Variants in MIPOL1 observed in about 807,000 individuals in gnomAD.
MIPOL1 encodes mirror-image polydactyly 1, also known as mirror-image polydactyly gene 1 protein.
A neutral mutation model predicts 60.9 loss-of-function variants in MIPOL1; 57 were observed. The ratio of observed to expected loss-of-function variants is 0.94; its 90% CI spans 0.76 to 1.17. The LOEUF (loss-of-function observed/expected upper bound fraction) is 1.17. Ranked by LOEUF, MIPOL1 falls within the 50% of genes most tolerant of loss-of-function variation. The probability of loss-of-function intolerance (pLI) is 0.00; values close to 1 mark genes in which losing one functional copy is unlikely to be tolerated. For synonymous variants in MIPOL1, 179 were observed against 168.8 expected (o/e 1.06, Z -0.47); for missense variants, 551 against 511.6 (o/e 1.08, Z -0.74).
intron 10 of MIPOL1, among the ~76,000 whole-genome samples, chr14:37,412,291 G>A (rs1313691557): frequency 2.6e-5 from 4 of 151,724 alleles, no homozygotes; most frequent in Non-Finnish European, 4.4e-5. Context: ...TCATGTTTTG[G>A]GACTACTATA....
chr14:37,440,272 T>C (rs537807080), intron 11 of MIPOL1, among the ~76,000 whole-genome samples: 25 of 152,244 alleles, frequency 1.6e-4, no homozygotes, highest in Non-Finnish European at 3.2e-4. Context: ...AATTGACTTA[T>C]ATACATTTTT....
chr14:37,382,166 T>G (rs556866288), intron 10 of MIPOL1, among the ~76,000 whole-genome samples: 1 of 152,214 alleles, frequency 6.6e-6, no homozygotes, highest in East Asian at 1.9e-4. Context: ...CTATTTCCAG[T>G]AACTGAATTC....
chr14:37,480,966 T>C lies in MIPOL1; in HGVS notation c.1032-18942T>C, dbSNP rs138573920. ...CCAGCCTGGGCAAAATAGTGAGACT[T>C]CGTCTCTATTTAAAAATTTAAAAAA... On this transcript the variant is annotated intron_variant, in intron 11 of 12. Coordinates refer to ENST00000684589, the MANE Select transcript of MIPOL1 (RefSeq NM_001388067.1). Among the ~76,000 whole-genome samples, 366 of 152,116 alleles carry C rather than the reference T, an allele frequency of 2.4e-3. 1 individual carries two copies. The highest frequency in any genetic ancestry group is 8.4e-3 in the African/African-American group (348 of 41,502).
At chr14:37,279,366 T>C (rs939945741) in intron 6 of MIPOL1, among the ~76,000 whole-genome samples, 1 of 151,634 alleles carries the variant, frequency 6.6e-6, no homozygotes, top group Non-Finnish European at 1.5e-5. Flanking sequence ...GGGTGTTTAA[T>C]GAGCAAATTC....
chr14:37,411,287 A>AC (rs1360855094), intron 10 of MIPOL1, among the ~76,000 whole-genome samples: 1 of 152,124 alleles, frequency 6.6e-6, no homozygotes, highest in African/African-American at 2.4e-5. Context: ...GTGATGTTAC[A>AC]CAACACATGA....
chr14:37,363,376 T>C (rs1344512883), intron 9 of MIPOL1, among the ~76,000 whole-genome samples: 1 of 152,218 alleles, frequency 6.6e-6, no homozygotes, highest in Non-Finnish European at 1.5e-5. Flanking sequence ...GTCCCTCAGC[T>C]GCAGGTCCAT....
Position 37,492,583 on chromosome 14 carries a change from C to G in MIPOL1, c.1032-7325C>G, listed in dbSNP as rs2095061040. ...AGTTATTTTCACATATGTAGATCAC[C>G]TCATTTCATTCTCATATGATTTCCA... On this transcript the variant is annotated intron_variant, in intron 11 of 12. Transcript: ENST00000684589. Among the ~76,000 whole-genome samples the G allele has an allele frequency of 2.0e-5, 3 of 152,226 alleles. No homozygotes were observed. In the South Asian group the frequency reaches 6.2e-4, roughly 32 times the overall value.
intron 10 of MIPOL1, among the ~76,000 whole-genome samples, chr14:37,403,629 G>A (rs902324960): frequency 6.6e-6 from 1 of 151,704 alleles, no homozygotes. Context: ...GGCAACCTAT[G>A]TAGTATTGCT....
At chr14:37,533,216 A>G (rs950294808) in intron 12 of MIPOL1, among the ~76,000 whole-genome samples, 14 of 152,184 alleles carry the variant, frequency 9.2e-5, no homozygotes, top group South Asian at 2.1e-4. Flanking sequence ...TACAATGTCT[A>G]AGCCCAATAA....
chr14:37,396,810 A>C (rs2093380644), intron 10 of MIPOL1, among the ~76,000 whole-genome samples: 1 of 152,030 alleles, frequency 6.6e-6, no homozygotes, highest in Non-Finnish European at 1.5e-5. Flanking sequence ...AAGTGTGTCC[A>C]TTATTTCCTG....
At chr14:37,334,493 T>G (rs998732699) in intron 9 of MIPOL1, among the ~76,000 whole-genome samples, 1 of 151,992 alleles carries the variant, frequency 6.6e-6, no homozygotes, top group African/African-American at 2.4e-5. Flanking sequence ...ACTTAATTGT[T>G]TTTTACATTT....
At chr14:37,216,062 C>CAAAAAAAA (rs71449980) in intron 1 of MIPOL1, among the ~76,000 whole-genome samples, 2 of 85,828 alleles carry the variant, frequency 2.3e-5, no homozygotes, top group African/African-American at 4.3e-5. Context: ...ACCTCCATCT[C>CAAAAAAAA]AAAAAAAAAA....
At chr14:37,413,317 T>C (rs2093709360) in intron 10 of MIPOL1, among the ~76,000 whole-genome samples, 1 of 152,112 alleles carries the variant, frequency 6.6e-6, no homozygotes, top group Non-Finnish European at 1.5e-5. Flanking sequence ...GAAAAAGAAC[T>C]CCATAAAGAA....
chr14:37,416,201 A>G (rs1487085855), intron 10 of MIPOL1, among the ~76,000 whole-genome samples: 1 of 152,206 alleles, frequency 6.6e-6, no homozygotes, highest in Non-Finnish European at 1.5e-5. Flanking sequence ...CTTAAACTAT[A>G]CTTAACAAAA....
intron 4 of MIPOL1, among the ~76,000 whole-genome samples, chr14:37,267,746 T>C (rs1265420900): frequency 2.0e-5 from 3 of 152,202 alleles, no homozygotes; most frequent in African/African-American, 7.2e-5. Flanking sequence ...GTGACCTTTC[T>C]TTATGTATTT....
intron 9 of MIPOL1, among the ~76,000 whole-genome samples, chr14:37,339,748 A>C (rs2153461297): frequency 6.6e-6 from 1 of 152,324 alleles, no homozygotes; most frequent in African/African-American, 2.4e-5. Flanking sequence ...TCCAGACCTA[A>C]AAGTTTCATT....
At chr14:37,476,682 A>G (rs2094779317) in intron 11 of MIPOL1, among the ~76,000 whole-genome samples, 1 of 152,054 alleles carries the variant, frequency 6.6e-6, no homozygotes, top group African/African-American at 2.4e-5. Context: ...TCTTTTTTAT[A>G]TGATTAATGA....
intron 12 of MIPOL1, among the ~76,000 whole-genome samples, chr14:37,520,645 T>G (rs537636624): frequency 6.6e-6 from 1 of 152,160 alleles, no homozygotes; most frequent in Non-Finnish European, 1.5e-5. Flanking sequence ...GGTAGTGTTT[T>G]AAACATATTT....
chr14:37,460,458 A>G (rs1463650578), intron 11 of MIPOL1, among the ~76,000 whole-genome samples: 2 of 152,122 alleles, frequency 1.3e-5, no homozygotes, highest in African/African-American at 2.4e-5. Context: ...CCAGAACAAG[A>G]CACCCACTTT....
Sources: gnomAD v4.1 joint callset for allele counts (sites outside exome capture counted in the v4.1 genomes callset) on GRCh38, gnomAD v4.1.1 for gene constraint, MANE v1.5 for transcripts, NCBI Gene and HGNC (gene_info 2026-07-23, HGNC 2026-07-21) for gene names.